PRKCA: variants seen among roughly 807,000 people sequenced by gnomAD.
PRKCA encodes the protein protein kinase C alpha type.
PRKCA carries 27 observed loss-of-function variants against 87.0 expected under a neutral mutation model. The observed-to-expected ratio is 0.31, with a 90% CI of 0.23 to 0.43. The LOEUF (loss-of-function observed/expected upper bound fraction) is 0.43, where lower values mean the gene tolerates loss of function less well. Ranked by LOEUF, PRKCA falls within the 20% of genes least tolerant of loss-of-function variation. The pLI is 1.00. For missense variants in PRKCA, 518 were observed against 852.3 expected (o/e 0.61, Z 4.88); for synonymous variants, 329 against 311.1 (o/e 1.06, Z -0.61).
intron 5 of PRKCA, among the ~76,000 whole-genome samples, chr17:66,647,835 A>G (rs1054949591): frequency 1.3e-5 from 2 of 152,088 alleles, no homozygotes; most frequent in African/African-American, 4.8e-5. Context: ...GCTTATGCCA[A>G]CTCTCTGGGC....
At chr17:66,645,293 C>G in intron 4 of PRKCA, 90 bp from the exon 5 acceptor site, 1 of 1,571,550 alleles carries the variant, frequency 6.4e-7, no homozygotes. Flanking sequence ...GGGGGTAACT[C>G]ATTTTCACTT....
rs964292509 is a variant in PRKCA at position 66,803,531 on chromosome 17, C to T, written c.1855-342C>T. On this transcript the variant is annotated intron_variant, in intron 16 of 16. Transcript: ENST00000413366. The surrounding 1 kb of genome is among the most constrained non-coding windows in gnomAD (Gnocchi z 4.4). ...CCTTTCAACACGGAGCTGTGACTGA[C>T]GGCCCTGCGTGCGTGGCTTCCGTGC... 8.5e-5 allele frequency among the ~76,000 whole-genome samples: 13 copies of T among 152,212 alleles called. No individual in the cohort carries two copies. The highest frequency in any genetic ancestry group is 1.0e-4 in the Non-Finnish European group (7 of 68,030).
intron 3 of PRKCA, among the ~76,000 whole-genome samples, chr17:66,619,582 C>G (rs1970615494): frequency 6.6e-6 from 1 of 152,146 alleles, no homozygotes; most frequent in South Asian, 2.1e-4. Flanking sequence ...ATATGCCCCT[C>G]AAATGAATAT....
intron 2 of PRKCA, among the ~76,000 whole-genome samples, chr17:66,476,658 C>T (rs1438812252): frequency 1.3e-5 from 2 of 152,094 alleles, no homozygotes; most frequent in Non-Finnish European, 2.9e-5. Context: ...CCTCACTGGC[C>T]TGTGTAGGCT....
chr17:66,318,028 T>C (rs1451599916), intron 2 of PRKCA, among the ~76,000 whole-genome samples: 1 of 152,226 alleles, frequency 6.6e-6, no homozygotes, highest in East Asian at 1.9e-4. Context: ...CATGGATGAC[T>C]TAAAATTTAA....
At chr17:66,392,965 C>A (rs577620720) in intron 2 of PRKCA, among the ~76,000 whole-genome samples, 7 of 152,054 alleles carry the variant, frequency 4.6e-5, no homozygotes, top group Non-Finnish European at 7.4e-5. Context: ...CACCCTAGAC[C>A]AGTGAGAGAA....
chr17:66,303,746 T>C (rs1218078710), intron 1 of PRKCA, among the ~76,000 whole-genome samples: 1 of 152,074 alleles, frequency 6.6e-6, no homozygotes, highest in Non-Finnish European at 1.5e-5. Flanking sequence ...CTCACGCCTG[T>C]AATCCCAGCA....
intron 3 of PRKCA, among the ~76,000 whole-genome samples, chr17:66,590,238 C>T (rs193185423): frequency 6.6e-6 from 1 of 152,202 alleles, no homozygotes; most frequent in East Asian, 1.9e-4. Context: ...AGACAATACC[C>T]CTGGCTCCCC....
chr17:66,593,821 C>A (rs564550781), intron 3 of PRKCA, among the ~76,000 whole-genome samples: 1 of 152,128 alleles, frequency 6.6e-6, no homozygotes, highest in Non-Finnish European at 1.5e-5. Flanking sequence ...TGGGGGCCCA[C>A]GCCTGTAATC....
chr17:66,511,928 C>A (rs919038598), intron 3 of PRKCA, among the ~76,000 whole-genome samples: 1 of 151,932 alleles, frequency 6.6e-6, no homozygotes, highest in Non-Finnish European at 1.5e-5. Context: ...TGTTCTACCC[C>A]CCTCAGCCTT....
At chr17:66,319,851 C>T (rs930315713) in intron 2 of PRKCA, among the ~76,000 whole-genome samples, 5 of 152,006 alleles carry the variant, frequency 3.3e-5, no homozygotes, top group Admixed American at 6.6e-5. Context: ...AAGGGATTCT[C>T]CTGCCTCAGC....
chr17:66,554,546 C>A, intron 3 of PRKCA: 1 of 966,280 alleles, frequency 1.0e-6, no homozygotes, highest in Non-Finnish European at 1.2e-6. Context: ...GCTAGTCTGC[C>A]TCTACCTTTT....
chr17:66,486,051 C>T (rs1172296166), intron 2 of PRKCA, among the ~76,000 whole-genome samples: 3 of 152,036 alleles, frequency 2.0e-5, no homozygotes, highest in African/African-American at 4.8e-5. Context: ...GGCTTTATGC[C>T]CTTAAGAGAT....
intron 3 of PRKCA, among the ~76,000 whole-genome samples, chr17:66,594,366 G>A (rs917791670): frequency 2.0e-5 from 3 of 152,062 alleles, no homozygotes; most frequent in African/African-American, 7.2e-5. Context: ...ACCAACTTTC[G>A]GCCCCTGCTT....
intron 2 of PRKCA, among the ~76,000 whole-genome samples, chr17:66,374,021 G>T (rs1337023939): frequency 6.6e-6 from 1 of 152,158 alleles, no homozygotes; most frequent in Non-Finnish European, 1.5e-5. Context: ...GTTCACCTGG[G>T]TGCATGTCCT....
At chr17:66,562,585 G>GTTTTT (rs10523714) in intron 3 of PRKCA, among the ~76,000 whole-genome samples, 363 of 149,148 alleles carry the variant, frequency 2.4e-3, no homozygotes, top group African/African-American at 7.3e-3. Context: ...GCTAAGTTTT[G>GTTTTT]TTTTTTTTTG....
intron 3 of PRKCA, among the ~76,000 whole-genome samples, chr17:66,590,745 G>A (rs1969776963): frequency 6.6e-6 from 1 of 152,118 alleles, no homozygotes; most frequent in South Asian, 2.1e-4. Flanking sequence ...AGCTACGTGG[G>A]AGGCTGAGGC....
In PRKCA at chr17:66,618,530, C is replaced by T. The variant is rs1396266852; in HGVS notation, c.289-22825C>T. 2.6e-5 allele frequency among the ~76,000 whole-genome samples: 4 copies of T among 152,146 alleles called. No homozygotes were observed. In the South Asian group the frequency reaches 8.3e-4, roughly 32 times the overall value. On this transcript the variant is annotated intron_variant, in intron 3 of 16. Coordinates refer to ENST00000413366, the MANE Select transcript of PRKCA (RefSeq NM_002737.3). ...CCATTATAATGAATTTTTAAAACAT[C>T]ACAATTTTAGAATTATGATTTTAAA...
At chr17:66,680,394 C>G (rs1279015103) in intron 5 of PRKCA, among the ~76,000 whole-genome samples, 1 of 152,140 alleles carries the variant, frequency 6.6e-6, no homozygotes, top group Non-Finnish European at 1.5e-5. Flanking sequence ...TGCAGTAATT[C>G]TGTTTTGAGC....
Sources: allele counts gnomAD v4.1 joint callset (sites outside exome capture counted in the v4.1 genomes callset), GRCh38; gene constraint gnomAD v4.1.1; non-coding constraint Gnocchi (gnomAD v3.1); transcripts MANE v1.5; gene names NCBI Gene and HGNC (gene_info 2026-07-23, HGNC 2026-07-21).